Variants in DPYSL4 observed in about 807,000 individuals in gnomAD.
DPYSL4 encodes dihydropyrimidinase-related protein 4.
DPYSL4 carries 43 observed loss-of-function variants against 63.4 expected under a neutral mutation model. The observed-to-expected ratio is 0.68, with a 90% CI of 0.53 to 0.88. DPYSL4 has a LOEUF of 0.88. Ranked by LOEUF, DPYSL4 falls within the 40% of genes least tolerant of loss-of-function variation. The pLI, the probability that DPYSL4 is intolerant of heterozygous loss-of-function variation, is 0.00. For missense variants in DPYSL4, 733 were observed against 819.5 expected, an observed-to-expected ratio of 0.89 and a Z score of 1.29; for synonymous variants, 353 against 331.7, an observed-to-expected ratio of 1.06 and a Z score of -0.70.
At position 132,200,341 on chromosome 10, in the gene DPYSL4, G is replaced by T. The variant is rs199956474; in HGVS notation, c.812-15G>T. 9.8e-4 allele frequency: 1,588 copies of T among 1,612,582 alleles called. 1 individual carries two copies. The highest frequency in any genetic ancestry group is 1.2e-3 in the Non-Finnish European group (1,471 of 1,179,658). ...GGTGGTCGGTGGGGCACCTCTCATG[G>T]GCCTCGTGCTGCAGGGGTGGTCGTG... On this transcript the variant is annotated splice_polypyrimidine_tract_variant and intron_variant, in intron 8 of 13. Coordinates refer to ENST00000338492, the MANE Select transcript of DPYSL4 (RefSeq NM_006426.3).
At chr10:132,203,288 C>A (rs866627575) in intron 12 of DPYSL4, among the ~76,000 whole-genome samples, 9 of 151,586 alleles carry the variant, frequency 5.9e-5, no homozygotes, top group East Asian at 1.9e-4. Context: ...GAGCCCCCCC[C>A]CCATGGCCTT....
At position 132,186,994 on chromosome 10, in the gene DPYSL4, T is replaced by TCCGGC. The variant is rs1304489463; in HGVS notation, c.-68_-67insGGCCC. On this transcript the variant is annotated 5_prime_UTR_variant, in exon 1 of 14. Transcript: ENST00000338492. ...CCACGCACGCGTCCCGGCTCACGCG[T>TCCGGC]CCCCCCGCCCGCCCGCCCGCCCGCC... The TCCGGC allele has an allele frequency of 1.0e-3, 219 of 218,900 alleles. No homozygotes were observed. The highest frequency in any genetic ancestry group is 2.9e-3 in the South Asian group (39 of 13,452). 13.6% of individuals were successfully genotyped at this position (218,900 alleles called of 1,614,324 possible).
chr10:132,202,080 G>A lies in DPYSL4; in HGVS notation c.1245G>A (p.Lys415=). 1 of 1,613,100 alleles carries A rather than the reference G, an allele frequency of 6.2e-7. No individual in the cohort carries two copies. Among genetic ancestry groups the A allele is most frequent in the East Asian group, 2.2e-5 (1 of 44,878 alleles). Residue 415 remains lysine (K), a synonymous_variant, in exon 11 of 14, where the codon AAG becomes AAA. Transcript: ENST00000338492. ...SDADLVIWNP[K]ATKIISAKTH... ...CTGACCTGGTCATATGGAACCCCAA[G>A]GCCACCAAGATCATCTCTGCCAAGA...
At position 132,196,861 on chromosome 10, in the gene DPYSL4, G is replaced by T. The variant is rs754294307; in HGVS notation, c.479G>T (p.Gly160Val). 11 of 1,613,714 alleles carry T rather than the reference G, an allele frequency of 6.8e-6. No homozygotes were observed. Among genetic ancestry groups the T allele is most frequent in the Non-Finnish European group, 9.3e-6 (11 of 1,179,994 alleles). ...CCTCTGACCCCTGCCTCTTCTCCAGGTGTGAACTCCTTCCTGGTCTTCATG... is the reference window on the plus strand; with the variant it reads ...CCTCTGACCCCTGCCTCTTCTCCAGTTGTGAACTCCTTCCTGGTCTTCATG... ...EELEALVKEK[G>V]VNSFLVFMAY... The change falls in exon 5 of 14, where the codon GGT becomes GTT. Residue 160 changes from glycine to valine, a missense_variant and splice_region_variant. Coordinates refer to ENST00000338492, the MANE Select transcript of DPYSL4 (RefSeq NM_006426.3).
At chr10:132,198,177 C>G (rs1357167814) in intron 6 of DPYSL4, among the ~76,000 whole-genome samples, 1 of 152,202 alleles carries the variant, frequency 6.6e-6, no homozygotes, top group Non-Finnish European at 1.5e-5. Context: ...GCCCTGCAGC[C>G]TTGGGGGAGC....
rs2061801220 is a variant in DPYSL4, at chr10:132,187,012, C to T, written c.-52C>T. The T allele has an allele frequency of 4.0e-5, 9 of 223,712 alleles. No homozygotes were observed. Among genetic ancestry groups the T allele is most frequent in the Non-Finnish European group, 8.7e-5 (9 of 103,124 alleles). The allele number at this position is 223,712 out of a possible 1,614,324, so 13.9% of individuals were successfully genotyped here. A position where few individuals can be genotyped will look rare whatever the true frequency, so the allele number is the denominator to read the frequency against. On this transcript the variant is annotated 5_prime_UTR_variant, in exon 1 of 14. Coordinates refer to ENST00000338492, the MANE Select transcript of DPYSL4 (RefSeq NM_006426.3). ...TCACGCGTCCCCCCGCCCGCCCGCC[C>T]GCCCGCCCGCCCCCGCTTGTGCCGC...
intron 2 of DPYSL4, 148 bp downstream of exon 2, chr10:132,190,983 C>G (rs557162429): frequency 1.4e-6 from 1 of 717,050 alleles, no homozygotes; most frequent in South Asian, 1.8e-5. Flanking sequence ...GTTCCCAGCT[C>G]GTGTGTACAC....
intron 1 of DPYSL4, among the ~76,000 whole-genome samples, chr10:132,189,333 C>T (rs1481114073): frequency 1.3e-5 from 2 of 152,238 alleles, no homozygotes; most frequent in Non-Finnish European, 2.9e-5. Context: ...TTCTCTCCCC[C>T]ATTCTCCAAT....
intron 10 of DPYSL4, among the ~76,000 whole-genome samples, chr10:132,201,239 CTG>C (rs748216620): frequency 2.6e-5 from 4 of 152,144 alleles, no homozygotes; most frequent in Non-Finnish European, 5.9e-5. Context: ...TGCCCGGACA[CTG>C]TGTTTGCCCA....
Position 132,198,446 on chromosome 10 carries a change from C to T in DPYSL4, c.653C>T (p.Thr218Ile). The change falls in exon 7 of 14, where the codon ACT (threonine) becomes ATT (isoleucine). Residue 218 changes from threonine (T) to isoleucine (I), a missense_variant. By Grantham distance (89) the Thr-to-Ile change is moderately conservative (BLOSUM62 -1). Transcript: ENST00000338492. Reference sequence around the variant, plus strand: ...AAGCGGTTGCTGGAGCTCGGCATCACTGGCCCCGAGGGCCACGTGCTCAGC... The same window carrying T: ...AAGCGGTTGCTGGAGCTCGGCATCATTGGCCCCGAGGGCCACGTGCTCAGC... ...EQKRLLELGITGPEGHVLSHP... is the reference protein window; with the variant it reads ...EQKRLLELGIIGPEGHVLSHP... 6.2e-7 allele frequency: 1 copy of T among 1,607,260 alleles called. No homozygotes were observed. The highest frequency in any genetic ancestry group is 8.5e-7 in the Non-Finnish European group (1 of 1,178,466).
chr10:132,204,800 T>TGCCTCA, intron 13 of DPYSL4, 39 bp from the exon 14 acceptor site: 1 of 1,558,338 alleles, frequency 6.4e-7, no homozygotes, highest in Non-Finnish European at 8.7e-7. Flanking sequence ...CCCCTGCCCC[T>TGCCTCA]GCCTCATTCT....
rs2062058386 is a variant in DPYSL4, at chr10:132,203,905, T to TA, written c.1605_1606insA (p.Gln536ThrfsTer12). 6.2e-7 allele frequency: 1 copy of TA among 1,607,760 alleles called. No homozygotes were observed. Among genetic ancestry groups the TA allele is most frequent in the African/African-American group, 1.3e-5 (1 of 74,784 alleles). On this transcript the variant is annotated frameshift_variant, in exon 13 of 14. Coordinates refer to ENST00000338492, the MANE Select transcript of DPYSL4 (RefSeq NM_006426.3). LOFTEE classifies it high-confidence loss of function. ...CCGTCCCTCCTGTGCGCAACCTACA[T>TA]CAGTCGGGGTTCAGCCTATCTGGTG...
chr10:132,202,039 G>C lies in DPYSL4; in HGVS notation c.1204G>C (p.Ala402Pro). The C allele has an allele frequency of 6.2e-7, 1 of 1,613,298 alleles. No individual in the cohort carries two copies. The highest frequency in any genetic ancestry group is 1.1e-5 in the South Asian group (1 of 91,082). The change falls in exon 11 of 14, where the codon GCT (alanine) becomes CCT (proline). Residue 402 changes from alanine (A) to proline (P), a missense_variant. Coordinates refer to ENST00000338492, the MANE Select transcript of DPYSL4 (RefSeq NM_006426.3). ...FNFYPRKGRV[A>P]VGSDADLVIW... ...TTTTTACCCAAGGAAGGGGCGAGTG[G>C]CTGTGGGCTCTGACGCTGACCTGGT...
At chr10:132,196,766 A>G (rs1208571462) in intron 4 of DPYSL4, 95 bp from the exon 5 acceptor site, 2 of 1,433,022 alleles carry the variant, frequency 1.4e-6, no homozygotes, top group African/African-American at 2.8e-5. Flanking sequence ...GGAGGGGCCC[A>G]AGACCCCCAA....
intron 12 of DPYSL4, 107 bp downstream of exon 12, chr10:132,202,932 G>A (rs1220070801): frequency 4.4e-6 from 6 of 1,379,058 alleles, no homozygotes; most frequent in Non-Finnish European, 5.9e-6. Context: ...GAGGGGTCAG[G>A]AAGACAGAGC....
intron 4 of DPYSL4, among the ~76,000 whole-genome samples, chr10:132,196,619 C>T (rs2061948490): frequency 6.6e-6 from 1 of 152,228 alleles, no homozygotes; most frequent in Non-Finnish European, 1.5e-5. Flanking sequence ...ACAATCAGTT[C>T]CTAACCCGGA....
chr10:132,199,229 CAGTGGG>C (rs1351260219), intron 8 of DPYSL4, among the ~76,000 whole-genome samples: 2 of 152,170 alleles, frequency 1.3e-5, no homozygotes, highest in African/African-American at 2.4e-5. Context: ...ATCCCATTTC[CAGTGGG>C]GGTGGGTGTG....
At chr10:132,198,722 C>G in intron 7 of DPYSL4, 129 bp from the exon 8 acceptor site, 5 of 1,412,392 alleles carry the variant, frequency 3.5e-6, no homozygotes, top group Non-Finnish European at 4.8e-6. Context: ...GAGCCCGAGG[C>G]TGGGCCGCTC....
At chr10:132,191,515 C>A (rs113395889) in intron 2 of DPYSL4, among the ~76,000 whole-genome samples, 11 of 49,482 alleles carry the variant, frequency 2.2e-4, no homozygotes, top group Admixed American at 5.3e-4. Context: ...GGCAGATGAA[C>A]ATAGTTCCCA....
Sources: gnomAD v4.1 joint callset for allele counts (sites outside exome capture counted in the v4.1 genomes callset) on GRCh38, gnomAD v4.1.1 for gene constraint, MANE v1.5 for transcripts, NCBI Gene and HGNC (gene_info 2026-07-23, HGNC 2026-07-21) for gene names.